Variants in CDK9 observed in about 807,000 individuals in gnomAD.
CDK9 encodes the protein cyclin-dependent kinase 9.
A neutral mutation model predicts 39.0 loss-of-function variants in CDK9; 34 were observed. The ratio of observed to expected loss-of-function variants is 0.87; its 90% CI spans 0.66 to 1.16. The LOEUF is 1.16. Among genes scored for constraint, CDK9 ranks in the 50% most tolerant of loss-of-function variants. The pLI is 0.00. For missense variants in CDK9, 369 were observed against 503.2 expected, an observed-to-expected ratio of 0.73 and a Z score of 2.55; for synonymous variants, 233 against 196.2, an observed-to-expected ratio of 1.19 and a Z score of -1.57.
In CDK9 at chr9:127,787,519, TC is replaced by T; in HGVS notation, c.180del (p.Ile61LeufsTer13). ...KVLMENEKEG[F>X]PITALREIKI... ...CACTTTCCCCTCTTTCTCACCCAGT[TC>T]CCCATTACAGCCTTGCGGGAGATCA... On this transcript the variant is annotated frameshift_variant and splice_region_variant, in exon 3 of 7. Coordinates refer to ENST00000373264, the MANE Select transcript of CDK9 (RefSeq NM_001261.4). LOFTEE classifies it high-confidence loss of function. The T allele has an allele frequency of 6.2e-7, 1 of 1,610,040 alleles. No individual in the cohort carries two copies. The highest frequency in any genetic ancestry group is 8.5e-7 in the Non-Finnish European group (1 of 1,176,410).
Position 127,787,999 on chromosome 9 carries a change from C to A in CDK9, c.318C>A (p.Cys106Ter). ...KGSIYLVFDFCEHDLAGLLSN... is the reference protein window; with the variant it reads ...KGSIYLVFDF ...GTATATACCTGGTGTTCGACTTCTG[C>A]GAGCATGACCTTGCTGGGCTGTTGA... Residue 106 changes from cysteine (C) to a stop codon, truncating the protein, a stop_gained, in exon 4 of 7, where the codon TGC (cysteine) becomes TGA (stop). Transcript: ENST00000373264. LOFTEE classifies it high-confidence loss of function. 1 of 1,614,172 alleles carries A rather than the reference C, an allele frequency of 6.2e-7. No individual in the cohort carries two copies. Among genetic ancestry groups the A allele is most frequent in the Non-Finnish European group, 8.5e-7 (1 of 1,180,022 alleles).
At chr9:127,787,314 A>G (rs763378042) in intron 2 of CDK9, among the ~76,000 whole-genome samples, 1 of 152,234 alleles carries the variant, frequency 6.6e-6, no homozygotes, top group Non-Finnish European at 1.5e-5. Context: ...ATAGCAAAGT[A>G]TTGCTGTTTC....
At chr9:127,787,049 G>T (rs1829337263) in intron 2 of CDK9, among the ~76,000 whole-genome samples, 2 of 152,112 alleles carry the variant, frequency 1.3e-5, no homozygotes, top group Admixed American at 6.5e-5. Flanking sequence ...TTTTTTTAGT[G>T]TTAAATTTCG....
intron 3 of CDK9, among the ~76,000 whole-genome samples, 155 bp downstream of exon 3, chr9:127,787,763 C>A (rs547771602): frequency 6.6e-6 from 1 of 152,148 alleles, no homozygotes; most frequent in African/African-American, 2.4e-5. Flanking sequence ...CTGGTGCTTC[C>A]TCGGGGCCTG....
rs778441690 is a variant in CDK9, at chr9:127,786,731, C to G, written c.123C>G (p.Thr41=). 5.6e-6 allele frequency: 9 copies of G among 1,614,034 alleles called. No individual in the cohort carries two copies. In the South Asian group the frequency reaches 6.6e-5, roughly 12 times the overall value. ...TGTTCAAGGCCAGGCACCGCAAGAC[C>G]GGCCAGAAGGTGGCTCTGAAGAAGG... ...GEVFKARHRK[T]GQKVALKKVL... Residue 41 remains threonine, a synonymous_variant, in exon 2 of 7, where the codon ACC becomes ACG. Transcript: ENST00000373264.
chr9:127,786,676 C>G, intron 1 of CDK9, 25 bp from the exon 2 acceptor site: 1 of 1,608,358 alleles, frequency 6.2e-7, no homozygotes, highest in Non-Finnish European at 8.5e-7. Context: ...CTGATGAGTT[C>G]TCGGGTCTCC....
rs780095447 is a variant in CDK9 at position 127,789,387 on chromosome 9, C to T, written c.963C>T (p.Pro321=). ...ACTTCTTCTGGTCCGACCCCATGCCCTCCGACCTCAAGGGCATGCTCTCCA... is the reference window on the plus strand; with the variant it reads ...ACTTCTTCTGGTCCGACCCCATGCCTTCCGACCTCAAGGGCATGCTCTCCA... The part of the protein sequence containing the change: ...NHDFFWSDPM[P]SDLKGMLSTH... The change falls in exon 7 of 7, where the codon CCC becomes CCT. Residue 321 remains proline (P), a synonymous_variant. Coordinates refer to ENST00000373264, the MANE Select transcript of CDK9 (RefSeq NM_001261.4). This position sits in a 1 kb window ranked among gnomAD's most constrained non-coding sequence, Gnocchi z 5.2. The T allele has an allele frequency of 3.0e-5, 48 of 1,613,936 alleles. No homozygotes were observed. Among genetic ancestry groups the T allele is most frequent in the Middle Eastern group, 3.3e-4 (2 of 6,084 alleles).
chr9:127,787,808 A>T (rs745972300), intron 3 of CDK9, 139 bp from the exon 4 acceptor site: 12 of 982,966 alleles, frequency 1.2e-5, no homozygotes, highest in Non-Finnish European at 1.8e-5. Context: ...AAAATATTTG[A>T]CCGGTGAAGG....
Position 127,788,671 on chromosome 9 carries a change from C to T in CDK9, c.732C>T (p.Leu244=), listed in dbSNP as rs1588538878. The T allele has an allele frequency of 1.2e-6, 2 of 1,608,292 alleles. No individual in the cohort carries two copies. Among genetic ancestry groups the T allele is most frequent in the Middle Eastern group, 1.7e-4 (1 of 6,030 alleles). ...EQHQLALISQ[L]CGSITPEVWP... The stretch of plus-strand genomic sequence containing the variant: ...ACCAACTCGCCCTCATCAGTCAGCT[C>T]TGCGGCTCCATCACCCCTGAGGTAC... Residue 244 remains leucine, a synonymous_variant, in exon 6 of 7, where the codon CTC becomes CTT. Transcript: ENST00000373264.
chr9:127,788,522 C>G (rs1829371292), intron 5 of CDK9, 22 bp from the exon 6 acceptor site: 1 of 1,547,968 alleles, frequency 6.5e-7, no homozygotes, highest in Non-Finnish European at 8.7e-7. Context: ...AAGGGGCCCT[C>G]CTGGTGCGCT....
chr9:127,788,428 T>C (rs1406979969), intron 5 of CDK9, 43 bp downstream of exon 5: 3 of 1,583,160 alleles, frequency 1.9e-6, no homozygotes, highest in Non-Finnish European at 2.6e-6. Context: ...GGGCCAGGCA[T>C]CTACCTGGCC....
chr9:127,788,737 C>T (rs773135587), intron 6 of CDK9, 45 bp downstream of exon 6: 97 of 1,523,852 alleles, frequency 6.4e-5, no homozygotes, highest in Non-Finnish European at 7.9e-5. Flanking sequence ...CGAGGTCCCC[C>T]GGCAGAGGAG....
rs931906921 is a variant in CDK9, at chr9:127,786,899, C to T, written c.174+117C>T. On this transcript the variant is annotated intron_variant, in intron 2 of 6. Transcript: ENST00000373264. Reference sequence around the variant, plus strand: ...GAGATTTAATTTTTTTGTAGTAGTTCAGAAATTTCCAGGGAATGTGGCTTC... The same window carrying T: ...GAGATTTAATTTTTTTGTAGTAGTTTAGAAATTTCCAGGGAATGTGGCTTC... 3 of 751,102 alleles carry T rather than the reference C, an allele frequency of 4.0e-6. No individual in the cohort carries two copies. In the African/African-American group the frequency reaches 5.2e-5, roughly 13 times the overall value. The allele number at this position is 751,102 out of a possible 1,614,324, so 46.5% of individuals were successfully genotyped here.
rs549625098 is a variant in CDK9 at position 127,790,070 on chromosome 9, ATTT to A, written c.*539_*541del. 7.0e-6 allele frequency: 1 copy of A among 143,658 alleles called. No homozygotes were observed. The highest frequency in any genetic ancestry group is 2.2e-4 in the South Asian group (1 of 4,570). The allele number at this position is 143,658 out of a possible 1,614,324, so 8.9% of individuals were successfully genotyped here. A position where few individuals can be genotyped will look rare whatever the true frequency, so the allele number is the denominator to read the frequency against. On this transcript the variant is annotated 3_prime_UTR_variant, in exon 7 of 7. Coordinates refer to ENST00000373264, the MANE Select transcript of CDK9 (RefSeq NM_001261.4). ...TTGGTCCGTTAGAATTAAAAGTTGA[ATTT>A]TTTTTTTTTTTAAATTTTTTTTTTT...
chr9:127,789,358 C>CTCG lies in CDK9; in HGVS notation c.934_935insTCG (p.His312delinsLeuAsp). On this transcript the variant is annotated protein_altering_variant, in exon 7 of 7. Transcript: ENST00000373264. The surrounding 1 kb of genome is among the most constrained non-coding windows in gnomAD (Gnocchi z 5.2). ...CATCGACAGCGATGACGCCCTCAAC[C>CTCG]ACGACTTCTTCTGGTCCGACCCCAT... The CTCG allele has an allele frequency of 6.2e-7, 1 of 1,614,022 alleles. No individual in the cohort carries two copies. The highest frequency in any genetic ancestry group is 8.5e-7 in the Non-Finnish European group (1 of 1,180,036).
chr9:127,790,070 A>AT lies in CDK9; in HGVS notation c.*541dup, dbSNP rs549625098. ...TTGGTCCGTTAGAATTAAAAGTTGAATTTTTTTTTTTTTTAAATTTTTTTT... is the reference window on the plus strand; with the variant it reads ...TTGGTCCGTTAGAATTAAAAGTTGAATTTTTTTTTTTTTTTAAATTTTTTTT... On this transcript the variant is annotated 3_prime_UTR_variant, in exon 7 of 7. Coordinates refer to ENST00000373264, the MANE Select transcript of CDK9 (RefSeq NM_001261.4). The AT allele has an allele frequency of 7.8e-3, 1,119 of 143,600 alleles. 32 individuals are homozygous for AT. The East Asian group carries it at 0.1, about 13-fold the overall frequency. The allele number at this position is 143,600 out of a possible 1,614,324, so 8.9% of individuals were successfully genotyped here. A position where few individuals can be genotyped will look rare whatever the true frequency, so the allele number is the denominator to read the frequency against.
chr9:127,789,289 C>T lies in CDK9; in HGVS notation c.865C>T (p.Leu289=). 1.9e-6 allele frequency: 3 copies of T among 1,613,984 alleles called. No individual in the cohort carries two copies. Among genetic ancestry groups the T allele is most frequent in the Non-Finnish European group, 2.5e-6 (3 of 1,180,040 alleles). ...LKAYVRDPYA[L]DLIDKLLVLD... ...GGCCTATGTGCGTGACCCATACGCA[C>T]TGGACCTCATCGACAAGCTGCTGGT... The change falls in exon 7 of 7, where the codon CTG becomes TTG. Residue 289 remains leucine (L), a synonymous_variant. Transcript: ENST00000373264. The surrounding 1 kb of genome is among the most constrained non-coding windows in gnomAD (Gnocchi z 5.2).
At chr9:127,787,914 C>T in intron 3 of CDK9, 33 bp from the exon 4 acceptor site, 1 of 1,611,004 alleles carries the variant, frequency 6.2e-7, no homozygotes, top group Admixed American at 1.7e-5. Flanking sequence ...GTGTGGTTTT[C>T]TTGACTTTTT....
In CDK9 at chr9:127,789,493, A is replaced by G; in HGVS notation, c.1069A>G (p.Ser357Gly). ...GATCACCCAGCAGTCCACCAACCAG[A>G]GTCGCAATCCCGCCACCACCAACCA... Reference protein sequence around the residue: ...SQITQQSTNQSRNPATTNQTE... With the variant: ...SQITQQSTNQGRNPATTNQTE... Residue 357 changes from serine (S) to glycine (G), a missense_variant, in exon 7 of 7, where the codon AGT (serine) becomes GGT (glycine). Physicochemically the swap from Ser to Gly is moderately conservative, Grantham distance 56. Transcript: ENST00000373264. The surrounding 1 kb of genome is among the most constrained non-coding windows in gnomAD (Gnocchi z 5.2). 1 of 1,614,102 alleles carries G rather than the reference A, an allele frequency of 6.2e-7. No homozygotes were observed. Among genetic ancestry groups the G allele is most frequent in the African/African-American group, 1.3e-5 (1 of 75,020 alleles).
Sources: allele counts gnomAD v4.1 joint callset (sites outside exome capture counted in the v4.1 genomes callset), GRCh38; gene constraint gnomAD v4.1.1; non-coding constraint Gnocchi (gnomAD v3.1); transcripts MANE v1.5; gene names NCBI Gene and HGNC (gene_info 2026-07-23, HGNC 2026-07-21).